SCAPER: variants seen among roughly 807,000 people sequenced by gnomAD.
The protein encoded by SCAPER is S-phase cyclin A associated protein in the ER.
Under a neutral mutation model 182.2 loss-of-function variants are expected in SCAPER, and 98 were observed. That is an observed-to-expected ratio of 0.54 (90% CI 0.46 to 0.64). The LOEUF (loss-of-function observed/expected upper bound fraction) is 0.64, where lower values mean the gene tolerates loss of function less well. Among genes scored for constraint, SCAPER ranks in the 30% least tolerant of loss-of-function variants. The probability of loss-of-function intolerance (pLI) is 0.00; values close to 1 mark genes in which losing one functional copy is unlikely to be tolerated. For missense variants in SCAPER, 1,432 were observed against 1,690.0 expected (o/e 0.85, Z 2.68); for synonymous variants, 605 against 564.6 (o/e 1.07, Z -1.01).
intron 20 of SCAPER, among the ~76,000 whole-genome samples, chr15:76,694,697 C>T (rs1333009251): frequency 6.6e-6 from 1 of 151,986 alleles, no homozygotes; most frequent in Non-Finnish European, 1.5e-5. Flanking sequence ...TTTTATGCAA[C>T]ATGTTCCCAG....
At chr15:76,692,351 G>C (rs1020230397) in intron 20 of SCAPER, among the ~76,000 whole-genome samples, 5 of 152,098 alleles carry the variant, frequency 3.3e-5, no homozygotes, top group Admixed American at 3.3e-4. Context: ...CTTCCATTAA[G>C]TACTGAAAGT....
chr15:76,470,514 T>C (rs157780), intron 25 of SCAPER, among the ~76,000 whole-genome samples: 136,266 of 152,174 alleles, frequency 0.9, 61,284 homozygotes, highest in East Asian at 0.96. Context: ...AAAAGTACAT[T>C]GGTTCTGAAA....
Position 76,820,698 on chromosome 15 carries a change from C to T in SCAPER, c.394-16065G>A, listed in dbSNP as rs191801593. ...GGCACATGTATACATATGTAACAAACCTGCACGTTGTGCACATGTACCCTA... is the reference window on the plus strand; with the variant it reads ...GGCACATGTATACATATGTAACAAATCTGCACGTTGTGCACATGTACCCTA... On this transcript the variant is annotated intron_variant, in intron 5 of 31. Transcript: ENST00000563290. Among the ~76,000 whole-genome samples the T allele has an allele frequency of 2.6e-5, 4 of 151,570 alleles. No homozygotes were observed. The East Asian group carries it at 7.8e-4, about 29-fold the overall frequency.
intron 24 of SCAPER, among the ~76,000 whole-genome samples, chr15:76,471,706 C>T (rs947091702): frequency 3.3e-5 from 5 of 152,174 alleles, no homozygotes; most frequent in Non-Finnish European, 7.3e-5. Context: ...ATCAAAGCTT[C>T]TGTTGCCAGA....
At chr15:76,890,768 A>G (rs898046596) in intron 1 of SCAPER, among the ~76,000 whole-genome samples, 1 of 152,226 alleles carries the variant, frequency 6.6e-6, no homozygotes, top group Admixed American at 6.5e-5. Context: ...ATTCCTTCTG[A>G]AACTATTCCG....
At chr15:76,405,058 T>A (rs1477893055) in intron 26 of SCAPER, among the ~76,000 whole-genome samples, 1 of 151,758 alleles carries the variant, frequency 6.6e-6, no homozygotes, top group Non-Finnish European at 1.5e-5. Context: ...TGCAAGGATT[T>A]AGAAGATACA....
intron 19 of SCAPER, among the ~76,000 whole-genome samples, chr15:76,702,280 T>C (rs1411376976): frequency 6.6e-6 from 1 of 152,120 alleles, no homozygotes; most frequent in East Asian, 1.9e-4. Context: ...TTAGATCTAA[T>C]ACCCCAAAAA....
intron 2 of SCAPER, among the ~76,000 whole-genome samples, chr15:76,877,870 A>G (rs2151942614): frequency 6.6e-6 from 1 of 152,358 alleles, no homozygotes; most frequent in Non-Finnish European, 1.5e-5. Flanking sequence ...TCTACTGTGT[A>G]TTATATAATA....
intron 8 of SCAPER, among the ~76,000 whole-genome samples, chr15:76,788,166 C>A (rs1211906940): frequency 1.3e-5 from 2 of 152,080 alleles, no homozygotes; most frequent in African/African-American, 4.8e-5. Context: ...TCTGGTAACA[C>A]CAAAACACCA....
At chr15:76,739,031 C>T (rs866495442) in intron 15 of SCAPER, among the ~76,000 whole-genome samples, 1 of 152,114 alleles carries the variant, frequency 6.6e-6, no homozygotes, top group African/African-American at 2.4e-5. Flanking sequence ...TCTTTAACCC[C>T]TAAATAATAC....
intron 18 of SCAPER, 80 bp downstream of exon 18, chr15:76,705,823 A>AT (rs1598278577): frequency 2.1e-6 from 2 of 931,318 alleles, no homozygotes; most frequent in East Asian, 2.7e-5. Flanking sequence ...AATTAATTCA[A>AT]TTTTTTTCCT....
chr15:76,471,122 A>C, intron 25 of SCAPER, 90 bp downstream of exon 25: 1 of 973,114 alleles, frequency 1.0e-6, no homozygotes, highest in Non-Finnish European at 1.3e-6. Context: ...TCATCTGGAG[A>C]GTAACTAAGT....
At chr15:76,585,782 T>C (rs766384671) in intron 22 of SCAPER, among the ~76,000 whole-genome samples, 1 of 152,092 alleles carries the variant, frequency 6.6e-6, no homozygotes, top group African/African-American at 2.4e-5. Context: ...AAATAGCCCC[T>C]GTAAAGAAAA....
intron 24 of SCAPER, among the ~76,000 whole-genome samples, chr15:76,492,635 A>G (rs911250065): frequency 2.6e-5 from 4 of 152,206 alleles, no homozygotes; most frequent in African/African-American, 7.2e-5. Context: ...CAGTGATAAA[A>G]CTAGAAGATA....
intron 5 of SCAPER, among the ~76,000 whole-genome samples, chr15:76,813,249 A>AAAAAAAAAAAAC (rs2066805442): frequency 3.3e-5 from 2 of 60,120 alleles, no homozygotes; most frequent in Admixed American, 2.3e-4. Context: ...AAAAAAAAAA[A>AAAAAAAAAAAAC]AAAAAACAAC....
At chr15:76,386,454 C>T (rs1368928002) in intron 27 of SCAPER, among the ~76,000 whole-genome samples, 1 of 152,124 alleles carries the variant, frequency 6.6e-6, no homozygotes, top group East Asian at 1.9e-4. Flanking sequence ...ACCTTTTTCT[C>T]ATAAAGCTTA....
intron 23 of SCAPER, among the ~76,000 whole-genome samples, chr15:76,508,205 C>A (rs966605031): frequency 3.3e-5 from 5 of 152,030 alleles, no homozygotes; most frequent in Non-Finnish European, 7.4e-5. Flanking sequence ...TGGTTGATTG[C>A]TTATTTCTAA....
intron 21 of SCAPER, among the ~76,000 whole-genome samples, chr15:76,641,085 T>TA (rs961715044): frequency 6.6e-6 from 1 of 152,164 alleles, no homozygotes; most frequent in African/African-American, 2.4e-5. Flanking sequence ...GGTTAGGGCA[T>TA]ACTCCCTTCT....
At chr15:76,550,526 G>C (rs1381462409) in intron 23 of SCAPER, among the ~76,000 whole-genome samples, 1 of 152,092 alleles carries the variant, frequency 6.6e-6, no homozygotes, top group Non-Finnish European at 1.5e-5. Flanking sequence ...ACATGATCTC[G>C]TTCCTTTTTA....
Sources: gnomAD v4.1 joint callset for allele counts (sites outside exome capture counted in the v4.1 genomes callset) on GRCh38, gnomAD v4.1.1 for gene constraint, MANE v1.5 for transcripts, NCBI Gene and HGNC (gene_info 2026-07-23, HGNC 2026-07-21) for gene names.